Variants in ZNF423 observed in about 807,000 individuals in gnomAD.
ZNF423 encodes the protein Ebf-associated zinc finger protein.
Under a neutral mutation model 95.8 loss-of-function variants are expected in ZNF423, and 12 were observed. That is an observed-to-expected ratio of 0.13 (90% CI 0.08 to 0.20). ZNF423 has a LOEUF of 0.20. ZNF423 is among the 10% of genes least tolerant of loss of function. The pLI is 1.00. For synonymous variants in ZNF423, 749 were observed against 711.9 expected (o/e 1.05, Z -0.83); for missense variants, 1,316 against 1,737.1 (o/e 0.76, Z 4.31).
chr16:49,534,873 T>G (rs1969000445), intron 5 of ZNF423, among the ~76,000 whole-genome samples: 1 of 152,190 alleles, frequency 6.6e-6, no homozygotes, highest in East Asian at 1.9e-4. Flanking sequence ...TGTCCAGATT[T>G]TAAGCCCTTT....
At chr16:49,508,513 TA>T (rs35061120) in intron 7 of ZNF423, among the ~76,000 whole-genome samples, 1,157 of 101,828 alleles carry the variant, frequency 0.011, 7 homozygotes, top group East Asian at 0.021. Context: ...TTCTCTTTCT[TA>T]AAAAAAAAAA....
rs1364807885 is a variant in ZNF423, at chr16:49,490,362, G to T, written c.*913C>A. 1 of 152,270 alleles carries T rather than the reference G, an allele frequency of 6.6e-6. No homozygotes were observed. Among genetic ancestry groups the T allele is most frequent in the Non-Finnish European group, 1.5e-5 (1 of 68,066 alleles). 9.4% of individuals were successfully genotyped at this position (152,270 alleles called of 1,614,324 possible). A position where few individuals can be genotyped will look rare whatever the true frequency, so the allele number is the denominator to read the frequency against. ...CCTCTGTTTCCCCATCCAAGAGTGGGAAGATCAGGGTATTCCATCATTAAG... is the reference window on the plus strand; with the variant it reads ...CCTCTGTTTCCCCATCCAAGAGTGGTAAGATCAGGGTATTCCATCATTAAG... On this transcript the variant is annotated 3_prime_UTR_variant, in exon 8 of 8. Coordinates refer to ENST00000563137, the MANE Select transcript of ZNF423 (RefSeq NM_001379286.1).
chr16:49,692,073 C>T (rs994993630), intron 3 of ZNF423, among the ~76,000 whole-genome samples: 1 of 152,118 alleles, frequency 6.6e-6, no homozygotes, highest in Non-Finnish European at 1.5e-5. Context: ...CCTCAGCCGC[C>T]AGAGTAGCTG....
intron 3 of ZNF423, among the ~76,000 whole-genome samples, chr16:49,648,655 AAAAAAAG>A (rs1321454099): frequency 1.5e-5 from 2 of 136,844 alleles, no homozygotes; most frequent in South Asian, 2.4e-4. Flanking sequence ...CCATCTCAAA[AAAAAAAG>A]AAAAAAGAAA....
chr16:49,572,795 G>T (rs927971705), intron 5 of ZNF423, among the ~76,000 whole-genome samples: 3 of 152,194 alleles, frequency 2.0e-5, no homozygotes, highest in Non-Finnish European at 4.4e-5. Context: ...CACTGGAGAG[G>T]GATGCTGGCA....
intron 5 of ZNF423, among the ~76,000 whole-genome samples, chr16:49,539,721 C>T (rs1413776429): frequency 2.0e-5 from 3 of 152,034 alleles, no homozygotes; most frequent in Admixed American, 1.3e-4. Context: ...ACTGTCACAC[C>T]CAGCTTGCTT....
intron 5 of ZNF423, among the ~76,000 whole-genome samples, chr16:49,568,465 G>C (rs957975850): frequency 2.6e-5 from 4 of 152,136 alleles, no homozygotes; most frequent in African/African-American, 9.7e-5. Context: ...CCCTAGACCA[G>C]CTGGAGGCAG....
rs919216167 is a variant in ZNF423, at chr16:49,603,706, G to A, written c.3601+22464C>T. ...ATTATGGGTGTAAGCCACCATGCCC[G>A]GCCTAGAAATTCTTAATAATTTTCT... On this transcript the variant is annotated intron_variant, in intron 5 of 7. Transcript: ENST00000563137. This position sits in a 1 kb window ranked among gnomAD's most constrained non-coding sequence, Gnocchi z 4.1. 3.9e-5 allele frequency among the ~76,000 whole-genome samples: 6 copies of A among 152,154 alleles called. No individual in the cohort carries two copies. The highest frequency in any genetic ancestry group is 1.4e-4 in the African/African-American group (6 of 41,438).
chr16:49,708,677 A>G (rs950721788), intron 3 of ZNF423, among the ~76,000 whole-genome samples: 1 of 152,090 alleles, frequency 6.6e-6, no homozygotes, highest in African/African-American at 2.4e-5. Context: ...GGGACCCAAC[A>G]CGTGCTACCC....
At chr16:49,747,725 G>A (rs2033555201) in intron 2 of ZNF423, among the ~76,000 whole-genome samples, 1 of 151,800 alleles carries the variant, frequency 6.6e-6, no homozygotes, top group African/African-American at 2.4e-5. Context: ...TAAAAGAACA[G>A]TGAATAAATT....
chr16:49,633,109 T>C (rs1049781293), intron 4 of ZNF423, among the ~76,000 whole-genome samples: 10 of 152,212 alleles, frequency 6.6e-5, no homozygotes, highest in African/African-American at 2.2e-4. Flanking sequence ...GTGGTGCAGA[T>C]GCTGCCTGCC....
intron 5 of ZNF423, among the ~76,000 whole-genome samples, chr16:49,530,115 T>TAG (rs1968785597): frequency 6.6e-6 from 1 of 152,190 alleles, no homozygotes; most frequent in Non-Finnish European, 1.5e-5. Context: ...CTGGAGTAAG[T>TAG]TACTTTGCCT....
intron 5 of ZNF423, among the ~76,000 whole-genome samples, chr16:49,575,260 ACTG>A (rs1402902222): frequency 3.9e-5 from 6 of 152,234 alleles, no homozygotes; most frequent in African/African-American, 1.4e-4. Flanking sequence ...TTTAAAAAAA[ACTG>A]CTATCACCAG....
At chr16:49,570,965 A>G (rs548281756) in intron 5 of ZNF423, among the ~76,000 whole-genome samples, 1 of 152,304 alleles carries the variant, frequency 6.6e-6, no homozygotes, top group East Asian at 1.9e-4. Flanking sequence ...AGGCATGGCC[A>G]TGCATGGCCT....
At chr16:49,549,391 T>C (rs1226267877) in intron 5 of ZNF423, among the ~76,000 whole-genome samples, 2 of 152,060 alleles carry the variant, frequency 1.3e-5, no homozygotes, top group Non-Finnish European at 2.9e-5. Flanking sequence ...AGGGAAGAGC[T>C]CTCACCAGGC....
rs1196034205 is a variant in ZNF423 at position 49,487,529 on chromosome 16, T to C, written c.*3746A>G. ...AAGAAAGAGAACCAGCAGTCTTTCC[T>C]GTACAGTACAATTTCACTTTATTCA... On this transcript the variant is annotated 3_prime_UTR_variant, in exon 8 of 8. Coordinates refer to ENST00000563137, the MANE Select transcript of ZNF423 (RefSeq NM_001379286.1). 3 of 152,222 alleles carry C rather than the reference T, an allele frequency of 2.0e-5. No homozygotes were observed. Among genetic ancestry groups the C allele is most frequent in the African/African-American group, 7.2e-5 (3 of 41,448 alleles). The allele number at this position is 152,222 out of a possible 1,614,324, so 9.4% of individuals were successfully genotyped here. A position where few individuals can be genotyped will look rare whatever the true frequency, so the allele number is the denominator to read the frequency against.
At chr16:49,793,364 C>G (rs1050087434) in intron 1 of ZNF423, among the ~76,000 whole-genome samples, 1 of 152,196 alleles carries the variant, frequency 6.6e-6, no homozygotes, top group Non-Finnish European at 1.5e-5. Context: ...GCTGCCGAGC[C>G]CCACTGCACA....
Position 49,632,344 on chromosome 16 carries a change from ACAT to A in ZNF423, c.3516+3313_3516+3315del, listed in dbSNP as rs1972533402. 1.3e-5 allele frequency among the ~76,000 whole-genome samples: 2 copies of A among 152,232 alleles called. 1 individual carries two copies. Among genetic ancestry groups the A allele is most frequent in the South Asian group, 4.1e-4 (2 of 4,822 alleles). ...TGTGAAACCCCCAGAGTCTGTTCTT[ACAT>A]GAGTGGGTCCTCAGGGAGGGAAGGG... On this transcript the variant is annotated intron_variant, in intron 4 of 7. Coordinates refer to ENST00000563137, the MANE Select transcript of ZNF423 (RefSeq NM_001379286.1).
At chr16:49,502,511 C>A (rs1402346029) in intron 7 of ZNF423, among the ~76,000 whole-genome samples, 1 of 151,948 alleles carries the variant, frequency 6.6e-6, no homozygotes, top group Admixed American at 6.6e-5. Context: ...ACGGCTGTCT[C>A]GGGGGTTGTC....
Sources: gnomAD v4.1 joint callset for allele counts (sites outside exome capture counted in the v4.1 genomes callset) on GRCh38, gnomAD v4.1.1 for gene constraint, Gnocchi (gnomAD v3.1) non-coding constraint, MANE v1.5 for transcripts, NCBI Gene and HGNC (gene_info 2026-07-23, HGNC 2026-07-21) for gene names.